Variants in KCNH7 observed in about 807,000 individuals in gnomAD.
KCNH7 encodes the protein voltage-gated inwardly rectifying potassium channel KCNH7.
KCNH7 carries 49 observed loss-of-function variants against 120.8 expected under a neutral mutation model. The observed-to-expected ratio is 0.41, with a 90% CI of 0.32 to 0.51. The LOEUF is 0.51. Among genes scored for constraint, KCNH7 ranks in the 20% least tolerant of loss-of-function variants. The pLI is 0.38. For synonymous variants in KCNH7, 547 were observed against 516.1 expected, an observed-to-expected ratio of 1.06 and a Z score of -0.81; for missense variants, 1,097 against 1,446.6, an observed-to-expected ratio of 0.76 and a Z score of 3.92.
chr2:162,738,043 G>A (rs747519216), intron 2 of KCNH7, among the ~76,000 whole-genome samples: 2 of 146,362 alleles, frequency 1.4e-5, no homozygotes, highest in African/African-American at 2.6e-5. Context: ...CAGCCTGGGC[G>A]GCAGAGAGAG....
intron 2 of KCNH7, among the ~76,000 whole-genome samples, chr2:162,819,268 G>T (rs1422623517): frequency 6.6e-6 from 1 of 152,112 alleles, no homozygotes; most frequent in Non-Finnish European, 1.5e-5. Context: ...TTATATTAAA[G>T]AATTTCCTTA....
At chr2:162,698,990 T>C (rs889463700) in intron 2 of KCNH7, among the ~76,000 whole-genome samples, 1 of 152,174 alleles carries the variant, frequency 6.6e-6, no homozygotes, top group Non-Finnish European at 1.5e-5. Flanking sequence ...ATCATGTATA[T>C]GTTATTTGAA....
intron 5 of KCNH7, among the ~76,000 whole-genome samples, chr2:162,509,426 G>T (rs1464234342): frequency 2.0e-5 from 3 of 151,442 alleles, no homozygotes; most frequent in African/African-American, 7.3e-5. Context: ...ATATATCTTA[G>T]GGCACTGAGT....
chr2:162,506,520 TTAAC>T (rs1690888292), intron 5 of KCNH7, among the ~76,000 whole-genome samples: 2 of 151,822 alleles, frequency 1.3e-5, no homozygotes, highest in Non-Finnish European at 2.9e-5. Context: ...CTTAGGTTAT[TTAAC>T]TAACAGGGAT....
intron 2 of KCNH7, among the ~76,000 whole-genome samples, chr2:162,601,304 T>C (rs1694542479): frequency 6.6e-6 from 1 of 151,514 alleles, no homozygotes; most frequent in Admixed American, 6.6e-5. Context: ...CCAGTCAAGG[T>C]TCTGGGCATT....
intron 2 of KCNH7, among the ~76,000 whole-genome samples, chr2:162,663,323 A>T (rs1685031106): frequency 6.6e-6 from 1 of 152,146 alleles, no homozygotes; most frequent in Non-Finnish European, 1.5e-5. Flanking sequence ...AAAAAATTTT[A>T]CATTTGCAGA....
At chr2:162,673,224 A>C (rs1685420769) in intron 2 of KCNH7, among the ~76,000 whole-genome samples, 1 of 152,092 alleles carries the variant, frequency 6.6e-6, no homozygotes, top group African/African-American at 2.4e-5. Context: ...GAAGGGCAGT[A>C]GTAGAAAGAA....
intron 3 of KCNH7, among the ~76,000 whole-genome samples, chr2:162,536,155 T>A (rs1009796007): frequency 6.6e-6 from 1 of 151,820 alleles, no homozygotes; most frequent in Non-Finnish European, 1.5e-5. Flanking sequence ...GGTTATAAAT[T>A]TAGACACATT....
At chr2:162,568,784 C>T (rs1056824712) in intron 2 of KCNH7, among the ~76,000 whole-genome samples, 8 of 151,832 alleles carry the variant, frequency 5.3e-5, no homozygotes, top group African/African-American at 1.9e-4. Flanking sequence ...TATATAGTAA[C>T]TTCATATTTT....
At chr2:162,646,907 G>A (rs1169549175) in intron 2 of KCNH7, among the ~76,000 whole-genome samples, 3 of 152,172 alleles carry the variant, frequency 2.0e-5, no homozygotes, top group Admixed American at 2.0e-4. Flanking sequence ...AAACCCAGCT[G>A]AGTCCATTCA....
chr2:162,502,678 C>T (rs536452182), intron 6 of KCNH7, among the ~76,000 whole-genome samples: 1 of 152,130 alleles, frequency 6.6e-6, no homozygotes, highest in African/African-American at 2.4e-5. Flanking sequence ...CCCTAATATT[C>T]TTTATTACCA....
At chr2:162,744,632 G>A (rs1688251061) in intron 2 of KCNH7, among the ~76,000 whole-genome samples, 3 of 149,474 alleles carry the variant, frequency 2.0e-5, no homozygotes, top group African/African-American at 7.4e-5. Context: ...GAATGCAGTG[G>A]CGTGATCTCC....
intron 2 of KCNH7, among the ~76,000 whole-genome samples, chr2:162,659,738 C>A (rs1684894550): frequency 6.6e-6 from 1 of 151,980 alleles, no homozygotes; most frequent in Non-Finnish European, 1.5e-5. Flanking sequence ...AGATATTGGT[C>A]TCTAGTTTTT....
chr2:162,449,521 C>T (rs1688695206), intron 6 of KCNH7, among the ~76,000 whole-genome samples: 1 of 151,898 alleles, frequency 6.6e-6, no homozygotes, highest in African/African-American at 2.4e-5. Context: ...GATGAGGTCA[C>T]AGTGGTTTGG....
intron 5 of KCNH7, among the ~76,000 whole-genome samples, chr2:162,506,113 C>T (rs1225120712): frequency 7.9e-5 from 12 of 151,850 alleles, no homozygotes; most frequent in Non-Finnish European, 7.4e-5. Context: ...CTCCCTGAGT[C>T]TTATCCATGA....
intron 2 of KCNH7, among the ~76,000 whole-genome samples, chr2:162,568,240 C>G (rs1282914026): frequency 1.3e-5 from 2 of 152,004 alleles, no homozygotes; most frequent in African/African-American, 4.8e-5. Flanking sequence ...TTAGCTCCCC[C>G]AGGGTCCCTC....
intron 3 of KCNH7, among the ~76,000 whole-genome samples, chr2:162,519,126 G>C (rs1163288603): frequency 6.6e-6 from 1 of 151,758 alleles, no homozygotes; most frequent in African/African-American, 2.4e-5. Context: ...CATTTTGGCG[G>C]TGGGATTGCA....
At chr2:162,669,641 T>G in intron 2 of KCNH7, among the ~76,000 whole-genome samples, 1 of 152,192 alleles carries the variant, frequency 6.6e-6, no homozygotes, top group East Asian at 1.9e-4. Flanking sequence ...GAATATTTGG[T>G]AATATCTAGA....
intron 6 of KCNH7, among the ~76,000 whole-genome samples, chr2:162,454,396 C>G (rs999550985): frequency 9.2e-5 from 14 of 152,094 alleles, no homozygotes; most frequent in Non-Finnish European, 1.9e-4. Context: ...ATACCTCCAG[C>G]TTTGTTATTT....
Sources: allele counts gnomAD v4.1 joint callset (sites outside exome capture counted in the v4.1 genomes callset), GRCh38; gene constraint gnomAD v4.1.1; transcripts MANE v1.5; gene names NCBI Gene and HGNC (gene_info 2026-07-23, HGNC 2026-07-21).